The following PDZRN4 variants were observed in gnomAD, a reference collection of about 807,000 sequenced individuals.
The protein encoded by PDZRN4 is PDZ domain-containing RING finger protein 4.
Under a neutral mutation model 99.0 loss-of-function variants are expected in PDZRN4, and 70 were observed. That is an observed-to-expected ratio of 0.71 (90% CI 0.58 to 0.86). The LOEUF is 0.86. PDZRN4 is among the 40% of genes least tolerant of loss of function. The pLI is 0.00. For synonymous variants in PDZRN4, 551 were observed against 501.6 expected (o/e 1.10, Z -1.32); for missense variants, 1,474 against 1,331.2 (o/e 1.11, Z -1.67).
intron 3 of PDZRN4, among the ~76,000 whole-genome samples, chr12:41,265,163 C>T (rs1400793443): frequency 1.3e-5 from 2 of 149,612 alleles, no homozygotes; most frequent in Non-Finnish European, 3.0e-5. Context: ...GAATAACAAA[C>T]TTGCTTGGAA....
At chr12:41,227,979 T>C (rs895155149) in intron 3 of PDZRN4, among the ~76,000 whole-genome samples, 3 of 151,996 alleles carry the variant, frequency 2.0e-5, no homozygotes, top group Non-Finnish European at 2.9e-5. Context: ...TTCAAAGATG[T>C]TTACCAGTAC....
intron 3 of PDZRN4, among the ~76,000 whole-genome samples, chr12:41,209,169 C>T (rs73119026): frequency 4.0e-5 from 6 of 151,840 alleles, no homozygotes; most frequent in Non-Finnish European, 7.4e-5. Flanking sequence ...TCATGAATCA[C>T]GGGAAGCGGT....
chr12:41,438,786 C>T (rs1433895462), intron 3 of PDZRN4, among the ~76,000 whole-genome samples: 1 of 152,190 alleles, frequency 6.6e-6, no homozygotes, highest in East Asian at 1.9e-4. Flanking sequence ...TCTTAACTTA[C>T]TGTTTTATTG....
chr12:41,217,809 C>G (rs750752107), intron 3 of PDZRN4, among the ~76,000 whole-genome samples: 1 of 151,958 alleles, frequency 6.6e-6, no homozygotes. Flanking sequence ...ACATTTTGGC[C>G]CTGTTTCCCA....
rs535300470 is a variant in PDZRN4 at position 41,500,522 on chromosome 12, C to T, written c.844-5934C>T. On this transcript the variant is annotated intron_variant, in intron 3 of 9. Transcript: ENST00000402685. ...CTAACATTTCCTATGTACTTAGGTTCTGAAATTATATGAAGAACACAAACC... is the reference window on the plus strand; with the variant it reads ...CTAACATTTCCTATGTACTTAGGTTTTGAAATTATATGAAGAACACAAACC... Among the ~76,000 whole-genome samples, 25 of 152,150 alleles carry T rather than the reference C, an allele frequency of 1.6e-4. No homozygotes were observed. In the South Asian group the frequency reaches 4.4e-3, roughly 27 times the overall value.
In PDZRN4 at chr12:41,493,906, G is replaced by T. The variant is rs575718233; in HGVS notation, c.844-12550G>T. 6.8e-4 allele frequency among the ~76,000 whole-genome samples: 101 copies of T among 148,314 alleles called. 1 individual carries two copies. The highest frequency in any genetic ancestry group is 2.0e-3 in the African/African-American group (82 of 40,830). ...CACTTATATTAAAAAAATAATGGGG[G>T]GGGGGATTCTCTTTACCGAAGTTTT... On this transcript the variant is annotated intron_variant, in intron 3 of 9. Transcript: ENST00000402685.
At chr12:41,559,468 AGACCACATATAT>A (rs1939227908) in intron 7 of PDZRN4, among the ~76,000 whole-genome samples, 1 of 152,134 alleles carries the variant, frequency 6.6e-6, no homozygotes, top group Admixed American at 6.5e-5. Context: ...CAAGAGTAAA[AGACCACATATAT>A]GACCAGCTTT....
At position 41,543,249 on chromosome 12, in the gene PDZRN4, G is replaced by A. The variant is rs116593492; in HGVS notation, c.1204-9407G>A. On this transcript the variant is annotated intron_variant, in intron 5 of 9. Coordinates refer to ENST00000402685, the MANE Select transcript of PDZRN4 (RefSeq NM_001164595.2). ...GAATTCTTTATGTGCTTAAGCCTCC[G>A]TCTATAGACAATGATCTCTTAAATG... Among the ~76,000 whole-genome samples the A allele has an allele frequency of 3.2e-3, 492 of 152,112 alleles. 6 individuals carry two copies. The highest frequency in any genetic ancestry group is 0.012 in the African/African-American group (478 of 41,466).
At chr12:41,334,722 TA>T (rs1254593475) in intron 3 of PDZRN4, among the ~76,000 whole-genome samples, 1 of 152,180 alleles carries the variant, frequency 6.6e-6, no homozygotes, top group Non-Finnish European at 1.5e-5. Flanking sequence ...ATTCCTTGGT[TA>T]AAATAGAGGA....
intron 3 of PDZRN4, among the ~76,000 whole-genome samples, chr12:41,368,648 G>C (rs1182594894): frequency 1.3e-5 from 2 of 152,046 alleles, no homozygotes; most frequent in African/African-American, 4.8e-5. Context: ...TTTTGGGGTG[G>C]GGGCTTTTGG....
chr12:41,442,591 G>T (rs948227174), intron 3 of PDZRN4, among the ~76,000 whole-genome samples: 2 of 152,240 alleles, frequency 1.3e-5, no homozygotes, highest in Middle Eastern at 3.4e-3. Flanking sequence ...ACAGCTGCTG[G>T]CGAAGGCCCA....
intron 3 of PDZRN4, among the ~76,000 whole-genome samples, chr12:41,223,513 T>C (rs889189597): frequency 1.3e-5 from 2 of 152,224 alleles, no homozygotes; most frequent in Admixed American, 1.3e-4. Context: ...AATACATTGA[T>C]TGTGCTGTTT....
At chr12:41,294,426 C>A (rs1425545004) in intron 3 of PDZRN4, among the ~76,000 whole-genome samples, 2 of 152,012 alleles carry the variant, frequency 1.3e-5, no homozygotes, top group Non-Finnish European at 2.9e-5. Context: ...TTTATATGAA[C>A]TATAAATGAC....
intron 7 of PDZRN4, among the ~76,000 whole-genome samples, chr12:41,559,452 A>G (rs1177228818): frequency 6.6e-6 from 1 of 152,156 alleles, no homozygotes; most frequent in African/African-American, 2.4e-5. Flanking sequence ...TTTCTGAATC[A>G]GATAACAAGA....
In PDZRN4 at chr12:41,527,601, AG is replaced by A. The variant is rs1938590754; in HGVS notation, c.1203+17689del. Among the ~76,000 whole-genome samples the A allele has an allele frequency of 1.3e-5, 2 of 152,228 alleles. 1 individual carries two copies. The highest frequency in any genetic ancestry group is 4.1e-4 in the South Asian group (2 of 4,830). On this transcript the variant is annotated intron_variant, in intron 5 of 9. Coordinates refer to ENST00000402685, the MANE Select transcript of PDZRN4 (RefSeq NM_001164595.2). The stretch of plus-strand genomic sequence containing the variant: ...TTTTAAAATAAGCACACATTATTTA[AG>A]TCAACTGTTATCTTTCCCATGCGTG...
intron 3 of PDZRN4, among the ~76,000 whole-genome samples, chr12:41,480,272 G>A (rs1592077665): frequency 6.6e-6 from 1 of 152,064 alleles, no homozygotes; most frequent in Non-Finnish European, 1.5e-5. Flanking sequence ...CACAATACAT[G>A]CAAATCTCAC....
At chr12:41,421,685 T>C (rs1952492077) in intron 3 of PDZRN4, among the ~76,000 whole-genome samples, 1 of 152,178 alleles carries the variant, frequency 6.6e-6, no homozygotes, top group African/African-American at 2.4e-5. Context: ...AAATTAAGTG[T>C]CACCCCTTTA....
intron 3 of PDZRN4, among the ~76,000 whole-genome samples, chr12:41,349,474 G>C (rs968240372): frequency 3.1e-5 from 4 of 129,244 alleles, no homozygotes; most frequent in Admixed American, 1.6e-4. Context: ...TGTATACTTT[G>C]TGCTATCTTT....
At chr12:41,364,489 T>G (rs1217766459) in intron 3 of PDZRN4, among the ~76,000 whole-genome samples, 1 of 152,132 alleles carries the variant, frequency 6.6e-6, no homozygotes, top group Non-Finnish European at 1.5e-5. Flanking sequence ...ACTTCATTTA[T>G]TCAACTAGTA....
Sources: gnomAD v4.1 joint callset for allele counts (sites outside exome capture counted in the v4.1 genomes callset) on GRCh38, gnomAD v4.1.1 for gene constraint, MANE v1.5 for transcripts, NCBI Gene and HGNC (gene_info 2026-07-23, HGNC 2026-07-21) for gene names.